SCN9A: variants seen among roughly 807,000 people sequenced by gnomAD.
SCN9A encodes sodium voltage-gated channel alpha subunit 9.
Under a neutral mutation model 187.0 loss-of-function variants are expected in SCN9A, and 131 were observed. That is an observed-to-expected ratio of 0.70 (90% CI 0.61 to 0.81). The LOEUF is 0.81. Among genes scored for constraint, SCN9A ranks in the 30% least tolerant of loss-of-function variants. SCN9A has a pLI of 0.00. For missense variants in SCN9A, 2,252 were observed against 2,396.6 expected, an observed-to-expected ratio of 0.94 and a Z score of 1.26; for synonymous variants, 809 against 808.6, an observed-to-expected ratio of 1.00 and a Z score of -0.01.
chr2:166,304,682 T>A (rs541215463), intron 5 of SCN9A, among the ~76,000 whole-genome samples: 1 of 152,102 alleles, frequency 6.6e-6, no homozygotes, highest in African/African-American at 2.4e-5. Context: ...GCATACTGTT[T>A]GATATTTCCA....
In SCN9A at chr2:166,282,232, TTC is replaced by T. The variant is rs544061655; in HGVS notation, c.1975-426_1975-425del. Reference sequence around the variant, plus strand: ...TATCTAAAGGGGTAGAATCTCAGTATTCTCTGATAAATTTCTGGAATTACTTT... The same window carrying T: ...TATCTAAAGGGGTAGAATCTCAGTATTCTGATAAATTTCTGGAATTACTTT... On this transcript the variant is annotated intron_variant, in intron 12 of 26. Transcript: ENST00000642356. 2.6e-5 allele frequency among the ~76,000 whole-genome samples: 4 copies of T among 152,198 alleles called. No individual in the cohort carries two copies. In the South Asian group the frequency reaches 8.3e-4, roughly 32 times the overall value.
intron 1 of SCN9A, among the ~76,000 whole-genome samples, chr2:166,363,085 C>T (rs1401909631): frequency 1.3e-5 from 2 of 151,966 alleles, no homozygotes; most frequent in African/African-American, 2.4e-5. Flanking sequence ...TAAACACTAA[C>T]CTTAAAACTT....
intron 26 of SCN9A, 126 bp from the exon 27 acceptor site, chr2:166,199,990 T>G (rs1039375530): frequency 1.4e-4 from 55 of 397,500 alleles, no homozygotes; most frequent in Admixed American, 2.2e-4. Flanking sequence ...TTTTTTTTTT[T>G]TTTTTTTTTT....
At chr2:166,208,323 T>A (rs1313715532) in intron 24 of SCN9A, among the ~76,000 whole-genome samples, 1 of 152,204 alleles carries the variant, frequency 6.6e-6, no homozygotes, top group African/African-American at 2.4e-5. Context: ...CACCTCATCA[T>A]TATAAGAGTA....
At chr2:166,222,930 CAAAAAAAAAAACAACAAAAAAAAAAA>C (rs1694660521) in intron 24 of SCN9A, among the ~76,000 whole-genome samples, 1 of 19,538 alleles carries the variant, frequency 5.1e-5, no homozygotes, top group Non-Finnish European at 9.0e-5. Flanking sequence ...AACTCCGTCT[CAAAAAAAAAAACAACAAAAAAAAAAA>C]AAAAAAAAAA....
At chr2:166,334,076 G>A (rs990956167) in intron 1 of SCN9A, among the ~76,000 whole-genome samples, 10 of 152,014 alleles carry the variant, frequency 6.6e-5, no homozygotes, top group African/African-American at 2.4e-4. Flanking sequence ...TTTACTCAAT[G>A]GGTTATTTTA....
intron 1 of SCN9A, among the ~76,000 whole-genome samples, chr2:166,353,949 G>A (rs1273746055): frequency 6.6e-6 from 1 of 152,172 alleles, no homozygotes; most frequent in African/African-American, 2.4e-5. Context: ...TGAAGATGGT[G>A]AAATACTTCT....
rs2106475336 is a variant in SCN9A at position 166,280,375 on chromosome 2, T to C, written c.2325A>G (p.Val775=). The change falls in exon 14 of 27, where the codon GTA becomes GTG. Residue 775 remains valine (V), a synonymous_variant. Coordinates refer to ENST00000642356, the MANE Select transcript of SCN9A (RefSeq NM_001365536.1). ...GACTTACCAAATTTCCTATAGCAAG[T>C]ACATTTTTGAATTCCTCAGTCATTG... ...HHPMTEEFKN[V]LAIGNLVFTG... is the part of the protein sequence containing the mutation. 9 of 1,572,310 alleles carry C rather than the reference T, an allele frequency of 5.7e-6. No homozygotes were observed. Among genetic ancestry groups the C allele is most frequent in the Non-Finnish European group, 7.8e-6 (9 of 1,154,452 alleles).
rs1697747338 is a variant in SCN9A, at chr2:166,286,448, G to A, written c.1490C>T (p.Ala497Val). 1.9e-6 allele frequency: 3 copies of A among 1,613,832 alleles called. No individual in the cohort carries two copies. The highest frequency in any genetic ancestry group is 2.5e-6 in the Non-Finnish European group (3 of 1,179,826). The change falls in exon 11 of 27, where the codon GCT becomes GTT. Residue 497 changes from alanine to valine, a missense_variant. Ala to Val is a moderately conservative substitution (Grantham distance 64, BLOSUM62 0). This residue lies in a region of SCN9A where 1,013 missense variants were observed against 997.4 expected (regional missense o/e 1.02). Transcript: ENST00000642356. ...KLSSGEEKGDAEKLSKSESED... is the reference protein window; with the variant it reads ...KLSSGEEKGDVEKLSKSESED... The stretch of plus-strand genomic sequence containing the variant: ...TGATTCTGATTTCGACAATTTCTCA[G>A]CATCTCCCTTTTCCTCTCCACTGGA...
In SCN9A at chr2:166,334,923, G is replaced by T. The variant is rs78250271; in HGVS notation, c.-50-23117C>A. ...ATCTGAATTTCTTTCAATAAGATGT[G>T]ATTTTATTACTTTCTTTGGTACAAG... On this transcript the variant is annotated intron_variant, in intron 1 of 26. Transcript: ENST00000642356. 9.2e-3 allele frequency among the ~76,000 whole-genome samples: 1,400 copies of T among 152,188 alleles called. 32 individuals are homozygous for T. Among genetic ancestry groups the T allele is most frequent in the African/African-American group, 0.031 (1,271 of 41,538 alleles).
chr2:166,257,983 A>G (rs1696351949), intron 17 of SCN9A, among the ~76,000 whole-genome samples: 1 of 151,596 alleles, frequency 6.6e-6, no homozygotes. Flanking sequence ...CTAATTTTTC[A>G]TTTGAAACTG....
intron 17 of SCN9A, among the ~76,000 whole-genome samples, chr2:166,265,017 G>A (rs1036114660): frequency 6.6e-6 from 1 of 151,880 alleles, no homozygotes; most frequent in Non-Finnish European, 1.5e-5. Context: ...TTATCAAATA[G>A]GGTAACTAGC....
At chr2:166,308,009 C>G (rs1055072295) in intron 2 of SCN9A, among the ~76,000 whole-genome samples, 6 of 152,138 alleles carry the variant, frequency 3.9e-5, no homozygotes, top group African/African-American at 1.4e-4. Context: ...GGAGGTAAGT[C>G]TGTGAGTCAG....
At chr2:166,276,230 G>A (rs1411457535) in intron 16 of SCN9A, among the ~76,000 whole-genome samples, 1 of 152,088 alleles carries the variant, frequency 6.6e-6, no homozygotes, top group Non-Finnish European at 1.5e-5. Context: ...ATGTCCACGC[G>A]ATGCTATAGG....
chr2:166,207,017 G>A (rs1267707918), intron 24 of SCN9A, among the ~76,000 whole-genome samples: 7 of 152,058 alleles, frequency 4.6e-5, no homozygotes, highest in Non-Finnish European at 8.8e-5. Flanking sequence ...GTTTTTGACT[G>A]GAAAAGCCTA....
intron 14 of SCN9A, among the ~76,000 whole-genome samples, chr2:166,279,454 C>T (rs1697380753): frequency 6.6e-6 from 1 of 152,090 alleles, no homozygotes; most frequent in Non-Finnish European, 1.5e-5. Context: ...TGCCTCACAT[C>T]CATAGTCAAA....
chr2:166,339,303 A>G (rs1289756630), intron 1 of SCN9A, among the ~76,000 whole-genome samples: 2 of 152,186 alleles, frequency 1.3e-5, no homozygotes, highest in Non-Finnish European at 2.9e-5. Context: ...AGGCACAAAC[A>G]AGTAATAGCT....
chr2:166,256,566 T>C (rs1012941675), intron 17 of SCN9A, among the ~76,000 whole-genome samples: 1 of 151,580 alleles, frequency 6.6e-6, no homozygotes, highest in Non-Finnish European at 1.5e-5. Context: ...CTAGTTGCAA[T>C]AAATTCTGGG....
rs151187039 is a variant in SCN9A at position 166,196,427 on chromosome 2, A to G, written c.*2245T>C. Reference sequence around the variant, plus strand: ...TATATATATTTTTGAAATGCTAAGAAGAAATTGTGTTGTTAACAAACCAGT... The same window carrying G: ...TATATATATTTTTGAAATGCTAAGAGGAAATTGTGTTGTTAACAAACCAGT... On this transcript the variant is annotated 3_prime_UTR_variant, in exon 27 of 27. Transcript: ENST00000642356. 1.3e-5 allele frequency: 2 copies of G among 152,300 alleles called. No individual in the cohort carries two copies. The highest frequency in any genetic ancestry group is 6.5e-5 in the Admixed American group (1 of 15,292). 9.4% of individuals were successfully genotyped at this position (152,300 alleles called of 1,614,324 possible).
Sources: allele counts gnomAD v4.1 joint callset (sites outside exome capture counted in the v4.1 genomes callset), GRCh38; gene constraint gnomAD v4.1.1; regional missense constraint gnomAD v4.1.1; transcripts MANE v1.5; gene names NCBI Gene and HGNC (gene_info 2026-07-23, HGNC 2026-07-21).